Variants in DPP4 observed in about 807,000 individuals in gnomAD.
The protein encoded by DPP4 is ADCP-2.
A neutral mutation model predicts 122.4 loss-of-function variants in DPP4; 93 were observed. The observed-to-expected ratio is 0.76, with a 90% CI of 0.64 to 0.90. The LOEUF is 0.90. Ranked by LOEUF, DPP4 falls within the 40% of genes least tolerant of loss-of-function variation. DPP4 has a pLI of 0.00. For missense variants in DPP4, 914 were observed against 907.3 expected (o/e 1.01, Z -0.09); for synonymous variants, 321 against 302.9 (o/e 1.06, Z -0.62).
chr2:162,011,998 T>C lies in DPP4; in HGVS notation c.1638-11A>G. 6.2e-7 allele frequency: 1 copy of C among 1,605,786 alleles called. No individual in the cohort carries two copies. Among genetic ancestry groups the C allele is most frequent in the Non-Finnish European group, 8.5e-7 (1 of 1,175,274 alleles). ...CATGGGCCTGCATACCTATGAAAAA[T>C]ACCAAATTGTTAGCTTTCATGGTTT... On this transcript the variant is annotated splice_polypyrimidine_tract_variant and intron_variant, in intron 19 of 25. Transcript: ENST00000360534.
intron 22 of DPP4, 149 bp from the exon 23 acceptor site, chr2:162,005,958 A>G: frequency 1.4e-6 from 1 of 706,688 alleles, no homozygotes; most frequent in Non-Finnish European, 2.3e-6. Flanking sequence ...GTGGTTATGA[A>G]GAAGGAAAAG....
chr2:162,051,315 T>C (rs72868667), intron 2 of DPP4, among the ~76,000 whole-genome samples: 3,846 of 152,316 alleles, frequency 0.025, 50 homozygotes, highest in African/African-American at 0.034. Flanking sequence ...AGTAGTATAG[T>C]TCCACGGGAT....
At chr2:162,035,382 A>G in intron 8 of DPP4, 58 bp from the exon 9 acceptor site, 2 of 1,519,986 alleles carry the variant, frequency 1.3e-6, no homozygotes, top group East Asian at 2.3e-5. Context: ...TGGCTTTGGC[A>G]TTCAAAATAT....
chr2:162,033,629 T>C lies in DPP4; in HGVS notation c.799A>G (p.Lys267Glu), dbSNP rs1229319529. 2.5e-6 allele frequency: 4 copies of C among 1,611,906 alleles called. No individual in the cohort carries two copies. In the East Asian group the frequency reaches 9.0e-5, roughly 36 times the overall value. Residue 267 changes from lysine (K) to glutamate (E), a missense_variant, in exon 10 of 26, where the codon AAG (lysine) becomes GAG (glutamate). Transcript: ENST00000360534. ...GAGTCTGTATTTACAACAAAGAACT[T>C]TACAGTTGGATTCACAGCTCCTGCC... ...PKAGAVNPTV[K>E]FFVVNTDSLS...
chr2:162,001,437 C>T (rs1025812381), intron 23 of DPP4, among the ~76,000 whole-genome samples: 8 of 152,136 alleles, frequency 5.3e-5, no homozygotes, highest in African/African-American at 1.9e-4. Context: ...ATTTGAAAAC[C>T]ACAAGTCTTT....
rs151018544 is a variant in DPP4 at position 162,039,158 on chromosome 2, T to G, written c.393A>C (p.Ser131=). ...TTTTATTTAAATCATAAATGTCATATGAAGCTGTGTAGGAATGCCTCCATT... is the reference window on the plus strand; with the variant it reads ...TTTTATTTAAATCATAAATGTCATAGGAAGCTGTGTAGGAATGCCTCCATT... ...VKQWRHSYTA[S]YDIYDLNKRQ... is the part of the protein sequence containing the mutation. Residue 131 remains serine (S), a synonymous_variant, in exon 6 of 26, where the codon TCA becomes TCC. Coordinates refer to ENST00000360534, the MANE Select transcript of DPP4 (RefSeq NM_001935.4). 2 of 1,612,972 alleles carry G rather than the reference T, an allele frequency of 1.2e-6. No homozygotes were observed. Among genetic ancestry groups the G allele is most frequent in the Non-Finnish European group, 1.7e-6 (2 of 1,179,382 alleles).
chr2:161,996,294 A>G (rs1235827581), intron 23 of DPP4, among the ~76,000 whole-genome samples: 2 of 152,192 alleles, frequency 1.3e-5, no homozygotes, highest in Admixed American at 1.3e-4. Flanking sequence ...GCTAGAGTCT[A>G]CTTTGATGGT....
chr2:162,065,173 T>C (rs149273378), intron 2 of DPP4, among the ~76,000 whole-genome samples: 398 of 152,340 alleles, frequency 2.6e-3, no homozygotes, highest in African/African-American at 8.2e-3. Context: ...GGTTTGGATA[T>C]GGACAAGTGA....
chr2:162,012,019 G>A (rs1404430816), intron 19 of DPP4, 32 bp from the exon 20 acceptor site: 24 of 1,595,098 alleles, frequency 1.5e-5, no homozygotes, highest in Non-Finnish European at 2.0e-5. Flanking sequence ...TAGCTTTCAT[G>A]GTTTTCTGGA....
intron 23 of DPP4, among the ~76,000 whole-genome samples, chr2:161,998,968 A>G (rs1175017501): frequency 6.6e-6 from 1 of 152,268 alleles, no homozygotes; most frequent in Non-Finnish European, 1.5e-5. Context: ...CTGCAACTGC[A>G]AGATAAGTGT....
intron 5 of DPP4, among the ~76,000 whole-genome samples, chr2:162,043,856 T>G (rs906275148): frequency 3.3e-5 from 5 of 152,082 alleles, no homozygotes; most frequent in African/African-American, 4.8e-5. Flanking sequence ...AGTGAGACCC[T>G]ATTTCTAAGA....
chr2:162,005,787 G>T lies in DPP4; in HGVS notation c.2010C>A (p.Tyr670Ter). Residue 670 changes from tyrosine (Y) to a stop codon, truncating the protein, a stop_gained, in exon 23 of 26, where the codon TAC becomes TAA. Coordinates refer to ENST00000360534, the MANE Select transcript of DPP4 (RefSeq NM_001935.4). LOFTEE classifies it high-confidence loss of function. ...TGTCTTCTGGAGTTGGGAGACCCATGTAACGTTCTGTGTACACTGAGTCTG... is the reference window on the plus strand; with the variant it reads ...TGTCTTCTGGAGTTGGGAGACCCATTTAACGTTCTGTGTACACTGAGTCTG... The part of the protein sequence containing the change: ...EYYDSVYTER[Y>*]MGLPTPEDNL... 1 of 1,612,890 alleles carries T rather than the reference G, an allele frequency of 6.2e-7. No individual in the cohort carries two copies.
chr2:161,995,208 G>GT (rs1700969700), intron 24 of DPP4, 92 bp downstream of exon 24: 1 of 1,348,282 alleles, frequency 7.4e-7, no homozygotes, highest in South Asian at 1.2e-5. Context: ...TGAAGTAAAT[G>GT]TAACAGTCTT....
intron 15 of DPP4, 104 bp from the exon 16 acceptor site, chr2:162,018,954 G>C: frequency 7.0e-7 from 1 of 1,427,240 alleles, no homozygotes. Flanking sequence ...GCATGCCAAC[G>C]CAATCTTTAG....
At chr2:162,035,394 G>A (rs977229818) in intron 8 of DPP4, 70 bp from the exon 9 acceptor site, 1 of 1,435,278 alleles carries the variant, frequency 7.0e-7, no homozygotes, top group African/African-American at 1.4e-5. Flanking sequence ...TCAAAATATT[G>A]TTCTCATTAG....
intron 10 of DPP4, chr2:162,032,156 G>C (rs747373850): frequency 6.6e-6 from 1 of 152,204 alleles, no homozygotes; most frequent in African/African-American, 2.4e-5. Flanking sequence ...ATCACACAGA[G>C]GGAGACACGA....
chr2:162,052,179 G>A lies in DPP4; in HGVS notation c.95-4678C>T, dbSNP rs180733426. ...GCTAACAATAGAAAATTAGCCGGGCGTGGTGGCACATGTCTGCAATCCCAG... is the reference window on the plus strand; with the variant it reads ...GCTAACAATAGAAAATTAGCCGGGCATGGTGGCACATGTCTGCAATCCCAG... On this transcript the variant is annotated intron_variant, in intron 2 of 25. Transcript: ENST00000360534. Among the ~76,000 whole-genome samples, 123 of 152,084 alleles carry A rather than the reference G, an allele frequency of 8.1e-4. 1 individual carries two copies. The highest frequency in any genetic ancestry group is 6.8e-3 in the Middle Eastern group (2 of 294).
At chr2:162,044,552 G>A (rs549552346) in intron 5 of DPP4, among the ~76,000 whole-genome samples, 9 of 152,082 alleles carry the variant, frequency 5.9e-5, no homozygotes, top group African/African-American at 1.9e-4. Context: ...GAAGATCAGG[G>A]GTGGGAATCC....
At chr2:162,073,217 AC>A in intron 2 of DPP4, 181 bp downstream of exon 2, 1 of 566,036 alleles carries the variant, frequency 1.8e-6, no homozygotes, top group South Asian at 2.4e-5. Context: ...AACACTGAAG[AC>A]CCCGCGAAGT....
Sources: allele counts gnomAD v4.1 joint callset (sites outside exome capture counted in the v4.1 genomes callset), GRCh38; gene constraint gnomAD v4.1.1; transcripts MANE v1.5; gene names NCBI Gene and HGNC (gene_info 2026-07-23, HGNC 2026-07-21).